ROBO2: variants seen among roughly 807,000 people sequenced by gnomAD.
ROBO2 encodes roundabout guidance receptor 2.
ROBO2 carries 53 observed loss-of-function variants against 160.8 expected under a neutral mutation model. The ratio of observed to expected loss-of-function variants is 0.33; its 90% CI spans 0.26 to 0.41. The LOEUF is 0.41. ROBO2 is among the 10% of genes least tolerant of loss of function. The pLI, the probability that ROBO2 is intolerant of heterozygous loss-of-function variation, is 1.00. For missense variants in ROBO2, 1,577 were observed against 1,722.4 expected, an observed-to-expected ratio of 0.92 and a Z score of 1.49; for synonymous variants, 664 against 611.7, an observed-to-expected ratio of 1.09 and a Z score of -1.26.
intron 2 of ROBO2, among the ~76,000 whole-genome samples, chr3:76,300,379 CA>C (rs1442635701): frequency 6.6e-6 from 1 of 151,352 alleles, no homozygotes; most frequent in Non-Finnish European, 1.5e-5. Context: ...AAATGTTTAT[CA>C]GATATAGTGC....
intron 2 of ROBO2, among the ~76,000 whole-genome samples, chr3:77,298,270 T>G (rs2062332991): frequency 6.6e-6 from 1 of 152,110 alleles, no homozygotes; most frequent in Non-Finnish European, 1.5e-5. Flanking sequence ...CAGAGGGCCA[T>G]TTACTAATAA....
At chr3:77,341,389 G>A (rs116118223) in intron 2 of ROBO2, among the ~76,000 whole-genome samples, 4,647 of 152,176 alleles carry the variant, frequency 0.031, 246 homozygotes, top group African/African-American at 0.1. Context: ...GTAGATTTAA[G>A]TTTTCCTGAA....
intron 2 of ROBO2, among the ~76,000 whole-genome samples, chr3:76,245,495 C>A (rs1402242320): frequency 6.6e-6 from 1 of 152,018 alleles, no homozygotes; most frequent in East Asian, 1.9e-4. Context: ...ATACTCATTA[C>A]ATTATAAAAA....
intron 2 of ROBO2, among the ~76,000 whole-genome samples, chr3:76,962,344 A>T (rs1422181144): frequency 6.6e-6 from 1 of 151,760 alleles, no homozygotes; most frequent in East Asian, 1.9e-4. Context: ...AAAAACAAAC[A>T]AACAAACAAA....
rs537768723 is a variant in ROBO2, at chr3:75,912,696, GA to G, written c.-14+5743del. 1.3e-3 allele frequency among the ~76,000 whole-genome samples: 204 copies of G among 152,096 alleles called. 1 individual carries two copies. The highest frequency in any genetic ancestry group is 4.6e-3 in the African/African-American group (191 of 41,494). ...GTGGAATTATGGGAAGGGTGAAATAGAAAAAAATTTCATCTCTAAGTTATAC... is the reference window on the plus strand; with the variant it reads ...GTGGAATTATGGGAAGGGTGAAATAGAAAAAATTTCATCTCTAAGTTATAC... On this transcript the variant is annotated intron_variant, in intron 1 of 26. Transcript: ENST00000487694.
intron 2 of ROBO2, among the ~76,000 whole-genome samples, chr3:77,327,516 A>G (rs946803108): frequency 6.6e-6 from 1 of 152,082 alleles, no homozygotes; most frequent in Non-Finnish European, 1.5e-5. Flanking sequence ...TGAAAACCGG[A>G]CCCATTATTG....
At chr3:77,046,891 C>T (rs180707909) in intron 1 of ROBO2, among the ~76,000 whole-genome samples, 1 of 152,246 alleles carries the variant, frequency 6.6e-6, no homozygotes, top group African/African-American at 2.4e-5. Flanking sequence ...TCAAGGAAGT[C>T]ATGACTTGGT....
intron 2 of ROBO2, among the ~76,000 whole-genome samples, chr3:76,273,016 TATA>T (rs1707666408): frequency 1.1e-5 from 1 of 91,896 alleles, no homozygotes; most frequent in Non-Finnish European, 1.9e-5. Flanking sequence ...AAAAATATAT[TATA>T]TATAATATAT....
chr3:77,311,778 A>G (rs929568159), intron 2 of ROBO2, among the ~76,000 whole-genome samples: 5 of 152,144 alleles, frequency 3.3e-5, no homozygotes, highest in African/African-American at 4.8e-5. Flanking sequence ...TCGTCTTTTC[A>G]TACATCACTC....
intron 2 of ROBO2, among the ~76,000 whole-genome samples, chr3:76,448,766 C>T (rs1381494663): frequency 1.3e-5 from 2 of 152,122 alleles, no homozygotes; most frequent in African/African-American, 4.8e-5. Context: ...ATCTATTTCT[C>T]ACAATAATGC....
At chr3:77,631,324 G>A (rs978793983) in intron 23 of ROBO2, 49 of 152,132 alleles carry the variant, frequency 3.2e-4, no homozygotes, top group African/African-American at 1.1e-3. Context: ...TACAAATACA[G>A]CATCAAGGCA....
chr3:77,317,988 G>A (rs1214103989), intron 2 of ROBO2, among the ~76,000 whole-genome samples: 2 of 151,634 alleles, frequency 1.3e-5, no homozygotes, highest in Admixed American at 1.3e-4. Context: ...TTGCGAAGAA[G>A]GTGGGGTGAT....
At chr3:77,527,706 T>G (rs1321323670) in intron 6 of ROBO2, among the ~76,000 whole-genome samples, 1 of 151,510 alleles carries the variant, frequency 6.6e-6, no homozygotes, top group Admixed American at 6.6e-5. Flanking sequence ...ATATATTGTA[T>G]TAGGATACAA....
chr3:76,049,317 C>G (rs1442201047), intron 2 of ROBO2, among the ~76,000 whole-genome samples: 2 of 149,686 alleles, frequency 1.3e-5, no homozygotes, highest in Non-Finnish European at 3.0e-5. Flanking sequence ...CTCAAGCAAT[C>G]CTCTCACCTC....
rs1480128534 is a variant in ROBO2 at position 76,319,275 on chromosome 3, T to C, written c.109+381673T>C. On this transcript the variant is annotated intron_variant, in intron 2 of 26. Coordinates refer to the ROBO2 transcript ENST00000487694. ...TTTTATTGATGTCTTAAAAATGATA[T>C]GCAGCTTCACACACAAAAGAGATTT... Among the ~76,000 whole-genome samples the C allele has an allele frequency of 4.6e-5, 7 of 152,136 alleles. No individual in the cohort carries two copies. The South Asian group carries it at 6.2e-4, about 13-fold the overall frequency.
At chr3:76,811,381 A>T (rs571178042) in intron 2 of ROBO2, among the ~76,000 whole-genome samples, 1 of 152,304 alleles carries the variant, frequency 6.6e-6, no homozygotes, top group African/African-American at 2.4e-5. Flanking sequence ...TGCTTATGTC[A>T]TACCTTAAAA....
At chr3:76,743,716 C>T (rs764716372) in intron 2 of ROBO2, among the ~76,000 whole-genome samples, 10 of 151,658 alleles carry the variant, frequency 6.6e-5, no homozygotes, top group Non-Finnish European at 1.5e-4. Flanking sequence ...TTCATTCTTC[C>T]TTTTTTTCTC....
intron 2 of ROBO2, among the ~76,000 whole-genome samples, chr3:77,219,434 G>GTATATATATATATA (rs369099644): frequency 0.059 from 6,746 of 114,674 alleles, 283 homozygotes; most frequent in Non-Finnish European, 0.085. Context: ...GTATGTGTGT[G>GTATATATATATATA]TATATATATA....
At position 76,484,537 on chromosome 3, in the gene ROBO2, C is replaced by A. The variant is rs543423244; in HGVS notation, c.109+546935C>A. ...ATTAACAACTTAAAGCCAAATACTC[C>A]TCTCTCCCCAGGAGAAGTTGAAATT... On this transcript the variant is annotated intron_variant, in intron 2 of 26. Coordinates refer to the ROBO2 transcript ENST00000487694. Among the ~76,000 whole-genome samples the A allele has an allele frequency of 3.3e-5, 5 of 152,072 alleles. No homozygotes were observed. The South Asian group carries it at 1.0e-3, about 32-fold the overall frequency.
Sources: allele counts gnomAD v4.1 joint callset (sites outside exome capture counted in the v4.1 genomes callset), GRCh38; gene constraint gnomAD v4.1.1; transcripts MANE v1.5; gene names NCBI Gene and HGNC (gene_info 2026-07-23, HGNC 2026-07-21).